The following CILK1 variants were observed in gnomAD, a reference collection of about 807,000 sequenced individuals.
The protein encoded by CILK1 is serine/threonine-protein kinase ICK.
A neutral mutation model predicts 79.2 loss-of-function variants in CILK1; 47 were observed. The observed-to-expected ratio is 0.59, with a 90% confidence interval of 0.47 to 0.76. The LOEUF is 0.76. CILK1 is among the 30% of genes least tolerant of loss of function. CILK1 has a pLI of 0.00. For missense variants in CILK1, 660 were observed against 769.5 expected, an observed-to-expected ratio of 0.86 and a Z score of 1.68; for synonymous variants, 266 against 275.9, an observed-to-expected ratio of 0.96 and a Z score of 0.36.
At position 53,031,986 on chromosome 6, in the gene CILK1, A is replaced by C. The variant is rs147675334; in HGVS notation, c.278+547T>G. 2.6e-4 allele frequency among the ~76,000 whole-genome samples: 40 copies of C among 152,218 alleles called. No homozygotes were observed. In the East Asian group the frequency reaches 6.9e-3, roughly 26 times the overall value. On this transcript the variant is annotated intron_variant, in intron 4 of 13. Transcript: ENST00000676107. ...GTAACTGGGATTACAGGCATGCCCC[A>C]CCATGCCCGGCTAATTTTGTATTTT...
At position 53,003,191 on chromosome 6, in the gene CILK1, C is replaced by A. The variant is rs891919581; in HGVS notation, c.*1958G>T. The A allele has an allele frequency of 4.6e-5, 7 of 152,598 alleles. No homozygotes were observed. The highest frequency in any genetic ancestry group is 1.7e-4 in the African/African-American group (7 of 41,434). The allele number at this position is 152,598 out of a possible 1,614,324, so 9.5% of individuals were successfully genotyped here. On this transcript the variant is annotated 3_prime_UTR_variant, in exon 14 of 14. Coordinates refer to ENST00000676107, the MANE Select transcript of CILK1 (RefSeq NM_014920.5). The stretch of plus-strand genomic sequence containing the variant: ...CCAGCTTGTTAACAGGAAAAGACCA[C>A]CTATCACATCCACATCCATTATGTG...
chr6:53,016,268 T>G lies in CILK1; in HGVS notation c.664-18A>C, dbSNP rs191311311. On this transcript the variant is annotated intron_variant, in intron 7 of 13. Transcript: ENST00000676107. ...CAGTCAGTCTGAAAGAAGGAAAAGA[T>G]AGAAAATCTTGCTCAGCCAATTGCT... The G allele has an allele frequency of 8.1e-6, 13 of 1,613,766 alleles. No homozygotes were observed. Among genetic ancestry groups the G allele is most frequent in the East Asian group, 2.2e-5 (1 of 44,868 alleles).
At chr6:53,019,483 T>C in intron 5 of CILK1, 124 bp from the exon 6 acceptor site, 2 of 972,782 alleles carry the variant, frequency 2.1e-6, no homozygotes, top group Non-Finnish European at 3.1e-6. Context: ...CACCAAAGGC[T>C]TTATGCATTC....
chr6:53,012,514 AC>A (rs1301108126), intron 9 of CILK1, among the ~76,000 whole-genome samples: 2 of 152,180 alleles, frequency 1.3e-5, no homozygotes, highest in African/African-American at 2.4e-5. Context: ...CTAAATTCAT[AC>A]TCAGTCTCAT....
intron 8 of CILK1, 95 bp from the exon 9 acceptor site, chr6:53,014,077 T>G (rs538860991): frequency 2.0e-6 from 2 of 981,854 alleles, no homozygotes; most frequent in Non-Finnish European, 3.2e-6. Context: ...ACCAGTTTAC[T>G]ACTGTTTCTT....
At position 53,003,296 on chromosome 6, in the gene CILK1, C is replaced by G. The variant is rs565724158; in HGVS notation, c.*1853G>C. 1 of 152,416 alleles carries G rather than the reference C, an allele frequency of 6.6e-6. No homozygotes were observed. Among genetic ancestry groups the G allele is most frequent in the East Asian group, 1.9e-4 (1 of 5,190 alleles). The allele number at this position is 152,416 out of a possible 1,614,324, so 9.4% of individuals were successfully genotyped here. Reference sequence around the variant, plus strand: ...AATTCTCCAAAGCATAAATTACTCTCCGATTTTAGGTTAGGGCCCTTTGGA... The same window carrying G: ...AATTCTCCAAAGCATAAATTACTCTGCGATTTTAGGTTAGGGCCCTTTGGA... On this transcript the variant is annotated 3_prime_UTR_variant, in exon 14 of 14. Transcript: ENST00000676107.
intron 5 of CILK1, among the ~76,000 whole-genome samples, chr6:53,027,339 G>C (rs1037528264): frequency 6.6e-6 from 1 of 152,242 alleles, no homozygotes; most frequent in Non-Finnish European, 1.5e-5. Flanking sequence ...AGTTGAAACA[G>C]ACCATTTGCA....
chr6:53,009,739 C>T (rs1049124127), intron 11 of CILK1, among the ~76,000 whole-genome samples, 172 bp from the exon 12 acceptor site: 7 of 152,220 alleles, frequency 4.6e-5, no homozygotes, highest in Admixed American at 6.5e-5. Flanking sequence ...GGAAAGATAT[C>T]TCACTGGTTG....
chr6:53,013,946 G>A lies in CILK1; in HGVS notation c.868C>T (p.Leu290=), dbSNP rs1484452316. 1 of 1,614,092 alleles carries A rather than the reference G, an allele frequency of 6.2e-7. No homozygotes were observed. Among genetic ancestry groups the A allele is most frequent in the East Asian group, 2.2e-5 (1 of 44,880 alleles). Reference sequence around the variant, plus strand: ...TGAAGGTTTTGTGTGGTGCTGCCTAGTGGGTGTCCAACTTGGAAGTAAGGA... The same window carrying A: ...TGAAGGTTTTGTGTGGTGCTGCCTAATGGGTGTCCAACTTGGAAGTAAGGA... ...RYPYFQVGHP[L]GSTTQNLQDS... Residue 290 remains leucine (L), a synonymous_variant, in exon 9 of 14, where the codon CTA becomes TTA. Coordinates refer to ENST00000676107, the MANE Select transcript of CILK1 (RefSeq NM_014920.5).
intron 3 of CILK1, among the ~76,000 whole-genome samples, chr6:53,036,771 A>G (rs1766368441): frequency 6.6e-6 from 1 of 152,238 alleles, no homozygotes; most frequent in African/African-American, 2.4e-5. Flanking sequence ...CAGTTTGATG[A>G]CAGGGAACAC....
intron 1 of CILK1, among the ~76,000 whole-genome samples, chr6:53,042,922 G>A (rs1465409202): frequency 1.3e-5 from 2 of 152,158 alleles, no homozygotes. Context: ...CTATGGTTAT[G>A]TAAGATATTA....
intron 1 of CILK1, among the ~76,000 whole-genome samples, chr6:53,045,272 C>A (rs1046478897): frequency 3.9e-5 from 6 of 152,184 alleles, no homozygotes; most frequent in African/African-American, 1.4e-4. Flanking sequence ...TATATTTGGA[C>A]CACAGCACAA....
intron 7 of CILK1, among the ~76,000 whole-genome samples, chr6:53,017,211 A>T (rs1009938654): frequency 6.6e-6 from 1 of 152,198 alleles, no homozygotes; most frequent in African/African-American, 2.4e-5. Context: ...TGATTAAAAA[A>T]TTTTTTTGAG....
chr6:53,046,367 G>A (rs1194626457), intron 1 of CILK1, among the ~76,000 whole-genome samples: 1 of 152,094 alleles, frequency 6.6e-6, no homozygotes, highest in Admixed American at 6.6e-5. Context: ...GATAATTAAT[G>A]TCCCTTCCTC....
intron 7 of CILK1, 60 bp downstream of exon 7, chr6:53,018,270 G>T: frequency 6.6e-7 from 1 of 1,516,434 alleles, no homozygotes. Context: ...ACAGGGCTGA[G>T]CGGAGGAAGC....
intron 5 of CILK1, among the ~76,000 whole-genome samples, chr6:53,025,621 C>T (rs756344495): frequency 1.6e-4 from 24 of 152,260 alleles, no homozygotes; most frequent in Non-Finnish European, 2.9e-4. Context: ...TTTATGGGCC[C>T]TACTTCAGGC....
At chr6:53,022,720 G>A (rs1056235557) in intron 5 of CILK1, among the ~76,000 whole-genome samples, 1 of 151,976 alleles carries the variant, frequency 6.6e-6, no homozygotes, top group African/African-American at 2.4e-5. Flanking sequence ...TTTGAGTTTC[G>A]CTTCTTCCAT....
Position 53,002,826 on chromosome 6 carries a change from T to G in CILK1, c.*2323A>C, listed in dbSNP as rs1467472967. 1 of 152,228 alleles carries G rather than the reference T, an allele frequency of 6.6e-6. No homozygotes were observed. Among genetic ancestry groups the G allele is most frequent in the African/African-American group, 2.4e-5 (1 of 41,452 alleles). The allele number at this position is 152,228 out of a possible 1,614,324, so 9.4% of individuals were successfully genotyped here. ...CCCTATAAAGTATTAGAAAAACAAT[T>G]TTATAATGTGCAATAATCAGGTAAC... On this transcript the variant is annotated 3_prime_UTR_variant, in exon 14 of 14. Transcript: ENST00000676107.
At chr6:53,041,741 A>C (rs751156914) in intron 1 of CILK1, among the ~76,000 whole-genome samples, 2 of 152,116 alleles carry the variant, frequency 1.3e-5, no homozygotes, top group Non-Finnish European at 2.9e-5. Context: ...GTGAACTGGC[A>C]TGTCTACACT....
Sources: gnomAD v4.1 joint callset for allele counts (sites outside exome capture counted in the v4.1 genomes callset) on GRCh38, gnomAD v4.1.1 for gene constraint, MANE v1.5 for transcripts, NCBI Gene and HGNC (gene_info 2026-07-23, HGNC 2026-07-21) for gene names.